The following ELP2 variants were observed in gnomAD, a reference collection of about 807,000 sequenced individuals.
The protein encoded by ELP2 is elongator acetyltransferase complex subunit 2, also known as elongator complex protein 2.
Under a neutral mutation model 119.2 loss-of-function variants are expected in ELP2, and 90 were observed. That is an observed-to-expected ratio of 0.75 (90% CI 0.64 to 0.90). The LOEUF is 0.90. ELP2 is among the 40% of genes least tolerant of loss of function. The pLI is 0.00. For missense variants in ELP2, 921 were observed against 967.8 expected, an observed-to-expected ratio of 0.95 and a Z score of 0.64; for synonymous variants, 339 against 331.0, an observed-to-expected ratio of 1.02 and a Z score of -0.26.
At chr18:36,167,941 T>C (rs1198878490) in intron 19 of ELP2, among the ~76,000 whole-genome samples, 1 of 152,186 alleles carries the variant, frequency 6.6e-6, no homozygotes, top group Non-Finnish European at 1.5e-5. Context: ...CCTCCCAAAG[T>C]GTTGGAATTA....
Position 36,147,712 on chromosome 18 carries a change from C to T in ELP2, c.1125+1331C>T, listed in dbSNP as rs8092400. On this transcript the variant is annotated intron_variant, in intron 11 of 21. Coordinates refer to ENST00000358232, the MANE Select transcript of ELP2 (RefSeq NM_018255.4). ...TGCTGGGATTACAGGCGTGAGCCAC[C>T]GCACCTGGTCTACTGGCAGGGTTTT... Among the ~76,000 whole-genome samples, 585 of 152,190 alleles carry T rather than the reference C, an allele frequency of 3.8e-3. 7 individuals carry two copies. Among genetic ancestry groups the T allele is most frequent in the African/African-American group, 0.013 (553 of 41,526 alleles).
intron 17 of ELP2, among the ~76,000 whole-genome samples, chr18:36,161,961 C>T (rs997374656): frequency 5.9e-5 from 9 of 152,180 alleles, no homozygotes; most frequent in African/African-American, 2.2e-4. Flanking sequence ...ACTTAGGGCA[C>T]TGTCAATCCT....
chr18:36,142,307 A>G lies in ELP2; in HGVS notation c.615A>G (p.Gly205=), dbSNP rs990485840. 2 of 1,614,018 alleles carry G rather than the reference A, an allele frequency of 1.2e-6. No homozygotes were observed. Among genetic ancestry groups the G allele is most frequent in the Admixed American group, 3.3e-5 (2 of 60,022 alleles). ...DQFQKVLSLC[G]HEDWIRGVEW... Reference sequence around the variant, plus strand: ...TTCAGAAAGTGCTTTCTCTCTGTGGACATGAGGATTGGATTAGAGGAGTGG... The same window carrying G: ...TTCAGAAAGTGCTTTCTCTCTGTGGGCATGAGGATTGGATTAGAGGAGTGG... Residue 205 remains glycine, a synonymous_variant, in exon 7 of 22, where the codon GGA becomes GGG. Coordinates refer to ENST00000358232, the MANE Select transcript of ELP2 (RefSeq NM_018255.4).
At chr18:36,143,245 A>G (rs2090093979) in intron 8 of ELP2, among the ~76,000 whole-genome samples, 1 of 151,700 alleles carries the variant, frequency 6.6e-6, no homozygotes. Flanking sequence ...TCAGCCTTCC[A>G]AGTAGCTGGG....
At chr18:36,144,812 TGAATCCCAAC>T in intron 8 of ELP2, 117 bp from the exon 9 acceptor site, 1 of 722,622 alleles carries the variant, frequency 1.4e-6, no homozygotes, top group Non-Finnish European at 2.4e-6. Context: ...GTTCTTTTTT[TGAATCCCAAC>T]TATCATATTT....
At chr18:36,130,149 T>C (rs1252040111) in intron 1 of ELP2, 78 bp downstream of exon 1, 2 of 1,590,128 alleles carry the variant, frequency 1.3e-6, no homozygotes, top group Non-Finnish European at 1.7e-6. Context: ...GCGCTGTTAG[T>C]TGCCGCCCCA....
intron 11 of ELP2, among the ~76,000 whole-genome samples, chr18:36,151,061 T>TA (rs1448532665): frequency 6.7e-6 from 1 of 148,488 alleles, no homozygotes; most frequent in Non-Finnish European, 1.5e-5. Context: ...TTTTTCACTG[T>TA]AGTCTCTGCC....
At chr18:36,153,699 G>A (rs2090473667) in intron 11 of ELP2, among the ~76,000 whole-genome samples, 1 of 152,098 alleles carries the variant, frequency 6.6e-6, no homozygotes, top group Admixed American at 6.5e-5. Context: ...CAGTTAATTT[G>A]GGGTGACTCA....
chr18:36,130,095 G>A (rs757440582), intron 1 of ELP2, 24 bp downstream of exon 1: 49 of 1,613,874 alleles, frequency 3.0e-5, no homozygotes, highest in Non-Finnish European at 4.1e-5. Flanking sequence ...CTGGACGGCC[G>A]ACCCTTGTGC....
chr18:36,156,708 A>G, intron 13 of ELP2, 54 bp downstream of exon 13: 9 of 1,542,744 alleles, frequency 5.8e-6, no homozygotes, highest in South Asian at 1.1e-5. Context: ...TTTTAAATTT[A>G]AAAGGATTTT....
chr18:36,164,725 A>G (rs2090843430), intron 18 of ELP2, 58 bp downstream of exon 18: 2 of 1,512,462 alleles, frequency 1.3e-6, no homozygotes, highest in Admixed American at 1.7e-5. Flanking sequence ...CATTTTATCT[A>G]CATTAAGCAG....
At chr18:36,148,062 T>A (rs2090268123) in intron 11 of ELP2, among the ~76,000 whole-genome samples, 1 of 150,542 alleles carries the variant, frequency 6.6e-6, no homozygotes, top group South Asian at 2.1e-4. Context: ...CAGCATTTTT[T>A]CCCCCAGGGT....
At chr18:36,139,422 C>G (rs138640022) in intron 5 of ELP2, 1 of 1,535,362 alleles carries the variant, frequency 6.5e-7, no homozygotes, top group Non-Finnish European at 8.7e-7. Context: ...TCCACAGTTA[C>G]CTGGAAGACT....
intron 5 of ELP2, 29 bp from the exon 6 acceptor site, chr18:36,141,108 A>G (rs2090008212): frequency 1.3e-6 from 2 of 1,588,220 alleles, no homozygotes; most frequent in Non-Finnish European, 1.7e-6. Flanking sequence ...TAGAGAACTC[A>G]CAGTGAAGCC....
chr18:36,131,503 G>C lies in ELP2; in HGVS notation c.138+1432G>C, dbSNP rs146874958. Among the ~76,000 whole-genome samples the C allele has an allele frequency of 5.4e-3, 821 of 152,348 alleles. 6 individuals carry two copies. The highest frequency in any genetic ancestry group is 0.018 in the African/African-American group (757 of 41,592). The stretch of plus-strand genomic sequence containing the variant: ...CACTGGGAGGACCCTAAGAGGGGCG[G>C]CCATAGGGGTGGAGTTGTCAGGGAA... On this transcript the variant is annotated intron_variant, in intron 1 of 21. Coordinates refer to ENST00000358232, the MANE Select transcript of ELP2 (RefSeq NM_018255.4).
At position 36,177,040 on chromosome 18, in the gene ELP2, GAAA is replaced by G. The variant is rs968280485; in HGVS notation, c.*2404_*2406del. On this transcript the variant is annotated 3_prime_UTR_variant, in exon 22 of 22. Transcript: ENST00000358232. ...TGCTACGGCAGTTCAAAATGACTTG[GAAA>G]AAAACAATGAACGCTGGTCATTGAT... The G allele has an allele frequency of 1.3e-5, 2 of 152,012 alleles. No homozygotes were observed. The highest frequency in any genetic ancestry group is 4.8e-5 in the African/African-American group (2 of 41,370). 9.4% of individuals were successfully genotyped at this position (152,012 alleles called of 1,614,324 possible).
chr18:36,159,211 C>T (rs556626359), intron 14 of ELP2, among the ~76,000 whole-genome samples: 2 of 151,652 alleles, frequency 1.3e-5, no homozygotes, highest in African/African-American at 4.8e-5. Context: ...CTCCTGGCTT[C>T]AAGCAATTCT....
Position 36,159,988 on chromosome 18 carries a change from A to G in ELP2, c.1661A>G (p.Asn554Ser), listed in dbSNP as rs774552569. The change falls in exon 16 of 22, where the codon AAT (asparagine) becomes AGT (serine). Residue 554 changes from asparagine to serine, a missense_variant. Physicochemically the swap from Asn to Ser is conservative, Grantham distance 46 (BLOSUM62 1). Transcript: ENST00000358232. ...CCCACTGAGGATCATCTTCTGCAGA[A>G]TACTTTGTGGCCTGAAGTTCAAAAA... ...EPPTEDHLLQ[N>S]TLWPEVQKLY... 3.1e-6 allele frequency: 5 copies of G among 1,614,110 alleles called. No individual in the cohort carries two copies. The South Asian group carries it at 4.4e-5, about 14-fold the overall frequency.
rs1568020402 is a variant in ELP2, at chr18:36,164,936, T to C, written c.1954+269T>C. On this transcript the variant is annotated intron_variant, in intron 18 of 21. Transcript: ENST00000358232. ...TATCTCAGTTCAAGAAACATAAACA[T>C]CTGTATGTAGGAAGTTAGGTTTTGC... 3 of 445,750 alleles carry C rather than the reference T, an allele frequency of 6.7e-6. No individual in the cohort carries two copies. The East Asian group carries it at 1.3e-4, about 19-fold the overall frequency. The allele number at this position is 445,750 out of a possible 1,614,324, so 27.6% of individuals were successfully genotyped here.
Sources: allele counts gnomAD v4.1 joint callset (sites outside exome capture counted in the v4.1 genomes callset), GRCh38; gene constraint gnomAD v4.1.1; transcripts MANE v1.5; gene names NCBI Gene and HGNC (gene_info 2026-07-23, HGNC 2026-07-21).